TTC28: variants seen among roughly 807,000 people sequenced by gnomAD.
The protein encoded by TTC28 is tetratricopeptide repeat protein 28.
TTC28 carries 61 observed loss-of-function variants against 198.0 expected under a neutral mutation model. That is an observed-to-expected ratio of 0.31 (90% CI 0.25 to 0.38). TTC28 has a LOEUF of 0.38. Ranked by LOEUF, TTC28 falls within the 10% of genes least tolerant of loss-of-function variation. TTC28 has a pLI of 1.00. For missense variants in TTC28, 2,678 were observed against 3,164.0 expected (o/e 0.85, Z 3.69); for synonymous variants, 1,171 against 1,297.8 (o/e 0.90, Z 2.10).
At chr22:28,336,546 T>A (rs1367180827) in intron 2 of TTC28, among the ~76,000 whole-genome samples, 23 of 152,210 alleles carry the variant, frequency 1.5e-4, no homozygotes, top group Non-Finnish European at 1.5e-5. Flanking sequence ...GAGATTCAAC[T>A]TCTTCCTGGT....
chr22:28,086,792 G>A (rs1330367109), intron 12 of TTC28, among the ~76,000 whole-genome samples: 2 of 151,876 alleles, frequency 1.3e-5, no homozygotes, highest in African/African-American at 4.8e-5. Context: ...AAAGAGAGAA[G>A]AATCAAATAG....
rs1483998158 is a variant in TTC28, at chr22:28,163,194, T to G, written c.1339A>C (p.Met447Leu). Residue 447 changes from methionine (M) to leucine (L), a missense_variant, in exon 6 of 23, where the codon ATG becomes CTG. This residue lies in a region of TTC28 where 775 missense variants were observed against 845.9 expected (regional missense o/e 0.92). Transcript: ENST00000397906. ...YAGLGHAARC[M>L]QDLERAKQYH... is the part of the protein sequence containing the mutation. ...TGTTTAGCTCTCTCCAAATCCTGCATGCACCTGGCAGCATGGCCTAGTCCA... is the reference window on the plus strand; with the variant it reads ...TGTTTAGCTCTCTCCAAATCCTGCAGGCACCTGGCAGCATGGCCTAGTCCA... 3 of 1,551,784 alleles carry G rather than the reference T, an allele frequency of 1.9e-6. No homozygotes were observed. In the South Asian group the frequency reaches 3.6e-5, roughly 18 times the overall value.
At position 27,983,311 on chromosome 22, in the gene TTC28, T is replaced by G; in HGVS notation, c.6356A>C (p.Asn2119Thr). ...TTTTCCCACCTTTTGGAAGGGTGAG[T>G]TGGGGCTGGGAATCAGAGTCATTTT... ...PVKMTLIPSPNSPFQKVGKLA... is the reference protein window; with the variant it reads ...PVKMTLIPSPTSPFQKVGKLA... Residue 2119 changes from asparagine to threonine, a missense_variant, in exon 23 of 23, where the codon AAC (asparagine) becomes ACC (threonine). By Grantham distance (65) the Asn-to-Thr change is moderately conservative. Around this residue, in one of 8 missense-constraint regions of TTC28, gnomAD observed 622 missense variants for 656.0 expected, o/e 0.95. Coordinates refer to ENST00000397906, the MANE Select transcript of TTC28 (RefSeq NM_001145418.2). The G allele has an allele frequency of 6.4e-7, 1 of 1,551,902 alleles. No individual in the cohort carries two copies. The highest frequency in any genetic ancestry group is 8.7e-7 in the Non-Finnish European group (1 of 1,147,056).
intron 2 of TTC28, among the ~76,000 whole-genome samples, chr22:28,495,485 CTT>C (rs1416206976): frequency 1.3e-5 from 2 of 152,178 alleles, no homozygotes; most frequent in Non-Finnish European, 1.5e-5. Flanking sequence ...CTATTCATCT[CTT>C]GTTAGAGTAA....
At chr22:28,299,326 C>T (rs542818337) in intron 3 of TTC28, among the ~76,000 whole-genome samples, 3 of 152,046 alleles carry the variant, frequency 2.0e-5, no homozygotes, top group African/African-American at 4.8e-5. Flanking sequence ...GTAATTTTTA[C>T]AATTTATGAC....
At chr22:28,060,043 T>C (rs1029771077) in intron 12 of TTC28, among the ~76,000 whole-genome samples, 1 of 152,046 alleles carries the variant, frequency 6.6e-6, no homozygotes, top group East Asian at 1.9e-4. Context: ...TTCCTTAACA[T>C]TTATTGAAAG....
At chr22:28,294,356 A>T (rs1226614458) in intron 5 of TTC28, among the ~76,000 whole-genome samples, 1 of 152,148 alleles carries the variant, frequency 6.6e-6, no homozygotes, top group East Asian at 1.9e-4. Context: ...AAATTACACT[A>T]TTGAGAAGAG....
At chr22:28,311,553 T>C (rs777499001) in intron 2 of TTC28, among the ~76,000 whole-genome samples, 11 of 152,210 alleles carry the variant, frequency 7.2e-5, no homozygotes, top group South Asian at 2.1e-4. Flanking sequence ...TATATATATT[T>C]ATGGGATACA....
intron 2 of TTC28, among the ~76,000 whole-genome samples, chr22:28,374,952 G>A (rs1262564876): frequency 6.6e-6 from 1 of 151,870 alleles, no homozygotes; most frequent in Non-Finnish European, 1.5e-5. Flanking sequence ...GCCAGGAGCA[G>A]TGGCTCATGC....
Position 27,982,500 on chromosome 22 carries a change from C to G in TTC28, c.7167G>C (p.Arg2389Ser). 1.2e-5 allele frequency: 19 copies of G among 1,551,582 alleles called. No homozygotes were observed. Among genetic ancestry groups the G allele is most frequent in the Non-Finnish European group, 1.7e-5 (19 of 1,146,992 alleles). ...RGAPGTMTSK[R>S]DVLSLLNLSP... The stretch of plus-strand genomic sequence containing the variant: ...ACAAATTCAACAGACTGAGGACATC[C>G]CTTTTGGAAGTCATCGTGCCAGGAG... The change falls in exon 23 of 23, where the codon AGG (arginine) becomes AGC (serine). Residue 2389 changes from arginine (R) to serine (S), a missense_variant. Arg to Ser is a moderately radical substitution (Grantham distance 110). This residue lies in a region of TTC28 where 622 missense variants were observed against 656.0 expected (regional missense o/e 0.95). Coordinates refer to ENST00000397906, the MANE Select transcript of TTC28 (RefSeq NM_001145418.2). The surrounding 1 kb of genome is among the most constrained non-coding windows in gnomAD (Gnocchi z 5.2).
chr22:28,050,122 C>A (rs1569107498), intron 12 of TTC28, among the ~76,000 whole-genome samples: 2 of 152,072 alleles, frequency 1.3e-5, no homozygotes, highest in African/African-American at 4.8e-5. Context: ...TAAAGGGAGA[C>A]TCAGAGGAGC....
chr22:28,378,779 T>C (rs695626), intron 2 of TTC28, among the ~76,000 whole-genome samples: 1,673 of 152,188 alleles, frequency 0.011, 36 homozygotes, highest in East Asian at 0.085. Context: ...AGTGTTTTCA[T>C]AGAGAACCAG....
At chr22:28,125,196 C>T (rs1448075956) in intron 6 of TTC28, among the ~76,000 whole-genome samples, 1 of 152,208 alleles carries the variant, frequency 6.6e-6, no homozygotes, top group Non-Finnish European at 1.5e-5. Context: ...AGGGTCACAA[C>T]CTACCCAACA....
chr22:28,548,314 T>A (rs1246200044), intron 2 of TTC28, among the ~76,000 whole-genome samples: 1 of 152,200 alleles, frequency 6.6e-6, no homozygotes, highest in Non-Finnish European at 1.5e-5. Flanking sequence ...AATAATCAAT[T>A]CATTCTGGTA....
At chr22:28,500,113 CATCT>C (rs890387279) in intron 2 of TTC28, among the ~76,000 whole-genome samples, 17 of 152,252 alleles carry the variant, frequency 1.1e-4, no homozygotes, top group African/African-American at 2.6e-4. Flanking sequence ...CAGAATTGTA[CATCT>C]ATCACCACAA....
At chr22:28,152,100 T>A (rs1236756061) in intron 6 of TTC28, among the ~76,000 whole-genome samples, 1 of 152,222 alleles carries the variant, frequency 6.6e-6, no homozygotes, top group African/African-American at 2.4e-5. Flanking sequence ...TACCTTTACT[T>A]TTATGCCAAC....
chr22:28,074,007 A>T (rs1190600396), intron 12 of TTC28, among the ~76,000 whole-genome samples: 1 of 152,174 alleles, frequency 6.6e-6, no homozygotes. Flanking sequence ...ACACAGTTAA[A>T]TGTGCTCCTT....
chr22:28,262,249 G>A (rs1931373748), intron 5 of TTC28, among the ~76,000 whole-genome samples: 1 of 152,082 alleles, frequency 6.6e-6, no homozygotes, highest in South Asian at 2.1e-4. Context: ...TGTCTCATTT[G>A]TCACATAAGA....
At chr22:28,003,879 G>A (rs1331433059) in intron 14 of TTC28, among the ~76,000 whole-genome samples, 2 of 152,216 alleles carry the variant, frequency 1.3e-5, no homozygotes, top group Non-Finnish European at 2.9e-5. Flanking sequence ...ATTGTCAGAA[G>A]TCTCCCAAGC....
Sources: gnomAD v4.1 joint callset for allele counts (sites outside exome capture counted in the v4.1 genomes callset) on GRCh38, gnomAD v4.1.1 for gene constraint, gnomAD v4.1.1 regional missense constraint, Gnocchi (gnomAD v3.1) non-coding constraint, MANE v1.5 for transcripts, NCBI Gene and HGNC (gene_info 2026-07-23, HGNC 2026-07-21) for gene names.